SNX21: variants seen among roughly 807,000 people sequenced by gnomAD.
SNX21 encodes sorting nexin family member 21.
SNX21 carries 36 observed loss-of-function variants against 30.9 expected under a neutral mutation model. That is an observed-to-expected ratio of 1.16 (90% CI 0.89 to 1.54). SNX21 has a LOEUF of 1.54. Ranked by LOEUF, SNX21 falls within the 40% of genes most tolerant of loss-of-function variation. The pLI is 0.00. For synonymous variants in SNX21, 218 were observed against 222.7 expected (o/e 0.98, Z 0.19); for missense variants, 508 against 516.5 (o/e 0.98, Z 0.16).
rs776663416 is a variant in SNX21 at position 45,840,896 on chromosome 20, G to A, written c.705G>A (p.Leu235=). The change falls in exon 4 of 4, where the codon CTG becomes CTA. Residue 235 remains leucine (L), a synonymous_variant. Coordinates refer to ENST00000491381, the MANE Select transcript of SNX21 (RefSeq NM_033421.4). ...CTGAGCTGCGCCATGCCCCGGACCTGCAGGACTTCTTCGTGCTGCCGGAGC... is the reference window on the plus strand; with the variant it reads ...CTGAGCTGCGCCATGCCCCGGACCTACAGGACTTCTTCGTGCTGCCGGAGC... ...AVPELRHAPD[L]QDFFVLPELR... The A allele has an allele frequency of 7.4e-6, 12 of 1,613,220 alleles. No individual in the cohort carries two copies. Among genetic ancestry groups the A allele is most frequent in the Non-Finnish European group, 8.5e-6 (10 of 1,179,948 alleles).
rs1984379448 is a variant in SNX21 at position 45,843,170 on chromosome 20, G to A, written c.*1857G>A. 1.8e-6 allele frequency: 1 copy of A among 553,940 alleles called. No individual in the cohort carries two copies. The highest frequency in any genetic ancestry group is 2.8e-6 in the Non-Finnish European group (1 of 357,582). 34.3% of individuals were successfully genotyped at this position (553,940 alleles called of 1,614,324 possible). On this transcript the variant is annotated 3_prime_UTR_variant, in exon 4 of 4. Transcript: ENST00000491381. ...CAAATGGCAGTCTGATGGACTGCGGGTTTGGATACCACTGCTGTAATGTAA... is the reference window on the plus strand; with the variant it reads ...CAAATGGCAGTCTGATGGACTGCGGATTTGGATACCACTGCTGTAATGTAA...
At chr20:45,838,757 A>G (rs1451049725) in intron 3 of SNX21, among the ~76,000 whole-genome samples, 1 of 152,162 alleles carries the variant, frequency 6.6e-6, no homozygotes, top group African/African-American at 2.4e-5. Context: ...AAATAAATAA[A>G]TAAAGTAAAT....
At chr20:45,834,549 C>A (rs933901172) in intron 2 of SNX21, 81 bp downstream of exon 2, 8 of 1,455,780 alleles carry the variant, frequency 5.5e-6, no homozygotes, top group Non-Finnish European at 5.4e-6. Context: ...GCATCCAGGG[C>A]GCTAAGTTGA....
Position 45,841,094 on chromosome 20 carries a change from G to C in SNX21, c.903G>C (p.Glu301Asp). The C allele has an allele frequency of 1.9e-6, 3 of 1,609,506 alleles. No homozygotes were observed. Among genetic ancestry groups the C allele is most frequent in the Non-Finnish European group, 2.5e-6 (3 of 1,178,472 alleles). Residue 301 changes from glutamate to aspartate, a missense_variant, in exon 4 of 4, where the codon GAG becomes GAC. Transcript: ENST00000491381. ...ACCAGGAGCTGGAAGACCCTGGAGA[G>C]GCCCGGGCATGCTGTGAGAAGGCCC... The part of the protein sequence containing the change: ...VCHQELEDPG[E>D]ARACCEKALQ...
In SNX21 at chr20:45,841,706, T is replaced by G; in HGVS notation, c.*393T>G. ...AGGCTGCAGGTCTGGCCCAGGGGAA[T>G]TAAAAGCCAGCCACTCCAGTGGTAT... On this transcript the variant is annotated 3_prime_UTR_variant, in exon 4 of 4. Transcript: ENST00000491381. The G allele has an allele frequency of 7.1e-7, 1 of 1,409,420 alleles. No homozygotes were observed. Among genetic ancestry groups the G allele is most frequent in the South Asian group, 1.6e-5 (1 of 62,824 alleles). The allele number at this position is 1,409,420 out of a possible 1,614,324, so 87.3% of individuals were successfully genotyped here.
intron 3 of SNX21, among the ~76,000 whole-genome samples, chr20:45,839,213 T>A (rs1036148368): frequency 2.6e-5 from 4 of 152,100 alleles, no homozygotes; most frequent in Admixed American, 6.5e-5. Context: ...AAGTCCTTTT[T>A]TTAAAACCAA....
At position 45,841,268 on chromosome 20, in the gene SNX21, A is replaced by AC; in HGVS notation, c.1083dup (p.Ser362GlnfsTer17). 1.3e-6 allele frequency: 2 copies of AC among 1,589,168 alleles called. No individual in the cohort carries two copies. ...AGGAGGCAGGCCTTACCCCCACACCACCCCCCAGTCTCAAAGAATTGCTCA... is the reference window on the plus strand; with the variant it reads ...AGGAGGCAGGCCTTACCCCCACACCACCCCCCCAGTCTCAAAGAATTGCTCA... On this transcript the variant is annotated frameshift_variant, in exon 4 of 4. Coordinates refer to ENST00000491381, the MANE Select transcript of SNX21 (RefSeq NM_033421.4). LOFTEE classifies it high-confidence loss of function.
At chr20:45,838,938 A>C (rs1983772399) in intron 3 of SNX21, among the ~76,000 whole-genome samples, 1 of 147,670 alleles carries the variant, frequency 6.8e-6, no homozygotes, top group African/African-American at 2.5e-5. Flanking sequence ...CTTGGTGCCC[A>C]GGCTCGAGTG....
rs6017703 is a variant in SNX21, at chr20:45,843,020, G to A, written c.*1707G>A. ...GCCCTTAGGGACCACTGAATGCCCC[G>A]ATCCCAATCAGGTTAATCAGAATCA... is the stretch of plus-strand genomic sequence containing the variant. On this transcript the variant is annotated 3_prime_UTR_variant, in exon 4 of 4. Transcript: ENST00000491381. 4.1e-5 allele frequency: 45 copies of A among 1,097,648 alleles called. No individual in the cohort carries two copies. The highest frequency in any genetic ancestry group is 8.7e-4 in the Middle Eastern group (2 of 2,310). 68.0% of individuals were successfully genotyped at this position (1,097,648 alleles called of 1,614,324 possible).
rs780459720 is a variant in SNX21 at position 45,841,310 on chromosome 20, C to T, written c.1119C>T (p.Asp373=). The T allele has an allele frequency of 4.2e-5, 65 of 1,549,500 alleles. 1 individual carries two copies. Among genetic ancestry groups the T allele is most frequent in the South Asian group, 3.3e-4 (26 of 79,948 alleles). The change falls in exon 4 of 4, where the codon GAC becomes GAT. Residue 373 remains aspartate (D), a synonymous_variant. Transcript: ENST00000491381. ...AATTGCTCATCAAGGAGGTGCTGGA[C>T]TAACCCTTGCCTAGATTTAAGGCCA... is the stretch of plus-strand genomic sequence containing the variant. ...LKELLIKEVL[D] is the part of the protein sequence containing the mutation.
chr20:45,834,632 A>T (rs1371666830), intron 2 of SNX21, 164 bp downstream of exon 2: 1 of 982,708 alleles, frequency 1.0e-6, no homozygotes. Context: ...GAGAGTCTTA[A>T]CCCCCCTCTG....
In SNX21 at chr20:45,840,562, TG is replaced by T. The variant is rs1203686185; in HGVS notation, c.448-72del. The T allele has an allele frequency of 1.9e-6, 3 of 1,610,204 alleles. No homozygotes were observed. In the East Asian group the frequency reaches 6.7e-5, roughly 36 times the overall value. On this transcript the variant is annotated intron_variant, in intron 3 of 3. Coordinates refer to ENST00000491381, the MANE Select transcript of SNX21 (RefSeq NM_033421.4). ...AGGTGGGGAGGTACAGCTGGGAGTG[TG>T]GGGGATGGGGAAGGATGGGGAGGGA...
At position 45,833,841 on chromosome 20, in the gene SNX21, G is replaced by A. The variant is rs1568723614; in HGVS notation, c.-79G>A. ...GCGCTCTGAGCGGCCTGAGCCCGGCGGAGCCCTGCAGAACCCGGCCGACCT... is the reference window on the plus strand; with the variant it reads ...GCGCTCTGAGCGGCCTGAGCCCGGCAGAGCCCTGCAGAACCCGGCCGACCT... On this transcript the variant is annotated 5_prime_UTR_variant, in exon 1 of 4. Coordinates refer to ENST00000491381, the MANE Select transcript of SNX21 (RefSeq NM_033421.4). The A allele has an allele frequency of 1.6e-6, 2 of 1,255,908 alleles. No homozygotes were observed. Among genetic ancestry groups the A allele is most frequent in the South Asian group, 2.9e-5 (1 of 34,118 alleles). 77.8% of individuals were successfully genotyped at this position (1,255,908 alleles called of 1,614,324 possible). A position where few individuals can be genotyped will look rare whatever the true frequency, so the allele number is the denominator to read the frequency against.
chr20:45,840,973 C>T lies in SNX21; in HGVS notation c.782C>T (p.Ala261Val), dbSNP rs754667257. The part of the protein sequence containing the change: ...TCTGLYREAL[A>V]LWANAWQLQA... ...ACTGGCCTCTATCGTGAGGCTCTGG[C>T]ACTCTGGGCCAATGCCTGGCAGCTG... Residue 261 changes from alanine (A) to valine (V), a missense_variant, in exon 4 of 4, where the codon GCA (alanine) becomes GTA (valine). By Grantham distance (64) the Ala-to-Val change is moderately conservative (BLOSUM62 0). Transcript: ENST00000491381. 1 of 1,610,206 alleles carries T rather than the reference C, an allele frequency of 6.2e-7. No individual in the cohort carries two copies. Among genetic ancestry groups the T allele is most frequent in the East Asian group, 2.2e-5 (1 of 44,838 alleles).
chr20:45,842,717 A>C lies in SNX21; in HGVS notation c.*1404A>C, dbSNP rs1012195864. The C allele has an allele frequency of 1.4e-5, 14 of 989,306 alleles. No homozygotes were observed. The highest frequency in any genetic ancestry group is 1.4e-4 in the African/African-American group (8 of 57,376). 61.3% of individuals were successfully genotyped at this position (989,306 alleles called of 1,614,324 possible). A position where few individuals can be genotyped will look rare whatever the true frequency, so the allele number is the denominator to read the frequency against. ...GTGTTGTCCAGTTTTCCAGACCAGG[A>C]CTGAAATCCAGAGAGGGTCAGGAAT... is the stretch of plus-strand genomic sequence containing the variant. On this transcript the variant is annotated 3_prime_UTR_variant, in exon 4 of 4. Transcript: ENST00000491381.
chr20:45,843,259 C>A lies in SNX21; in HGVS notation c.*1946C>A, dbSNP rs1984390183. ...AAGATATGATTTGCCTATTGTAATA[C>A]AAAGAATCTGAACTGGTTTTGGGAC... On this transcript the variant is annotated 3_prime_UTR_variant, in exon 4 of 4. Coordinates refer to ENST00000491381, the MANE Select transcript of SNX21 (RefSeq NM_033421.4). 8.0e-6 allele frequency: 5 copies of A among 628,228 alleles called. No individual in the cohort carries two copies. Among genetic ancestry groups the A allele is most frequent in the Non-Finnish European group, 1.4e-5 (5 of 351,256 alleles). 38.9% of individuals were successfully genotyped at this position (628,228 alleles called of 1,614,324 possible).
chr20:45,842,264 T>TA lies in SNX21; in HGVS notation c.*953dup. On this transcript the variant is annotated 3_prime_UTR_variant, in exon 4 of 4. Transcript: ENST00000491381. ...CTTATTATGGACCGTCATTGAGGGGTAACTCCTCCCACAGGAACCCCAGTT... is the reference window on the plus strand; with the variant it reads ...CTTATTATGGACCGTCATTGAGGGGTAAACTCCTCCCACAGGAACCCCAGTT... 7.0e-7 allele frequency: 1 copy of TA among 1,431,002 alleles called. No individual in the cohort carries two copies. The allele number at this position is 1,431,002 out of a possible 1,614,324, so 88.6% of individuals were successfully genotyped here.
Position 45,842,321 on chromosome 20 carries a change from C to T in SNX21, c.*1008C>T, listed in dbSNP as rs973865364. On this transcript the variant is annotated 3_prime_UTR_variant, in exon 4 of 4. Transcript: ENST00000491381. ...TTAAAAGCACTTTCACACCTCTCCTCGCTTCCTCAAAAAGATCACAGAGGG... is the reference window on the plus strand; with the variant it reads ...TTAAAAGCACTTTCACACCTCTCCTTGCTTCCTCAAAAAGATCACAGAGGG... 1 of 1,400,832 alleles carries T rather than the reference C, an allele frequency of 7.1e-7. No individual in the cohort carries two copies. Among genetic ancestry groups the T allele is most frequent in the Non-Finnish European group, 9.2e-7 (1 of 1,081,744 alleles). 86.8% of individuals were successfully genotyped at this position (1,400,832 alleles called of 1,614,324 possible).
In SNX21 at chr20:45,835,122, TG is replaced by T; in HGVS notation, c.447+7del. ...ACCCGCCCTCCAAGTACGTGGTGAG[TG>T]AGGGTCTAGAACCCCTGGGCTGTGA... is the stretch of plus-strand genomic sequence containing the variant. On this transcript the variant is annotated splice_region_variant and intron_variant, in intron 3 of 3. Transcript: ENST00000491381. The T allele has an allele frequency of 6.2e-7, 1 of 1,611,420 alleles. No individual in the cohort carries two copies. The highest frequency in any genetic ancestry group is 1.1e-5 in the South Asian group (1 of 90,768).
Sources: gnomAD v4.1 joint callset for allele counts (sites outside exome capture counted in the v4.1 genomes callset) on GRCh38, gnomAD v4.1.1 for gene constraint, MANE v1.5 for transcripts, NCBI Gene and HGNC (gene_info 2026-07-23, HGNC 2026-07-21) for gene names.